The following GRIP1 variants were observed in gnomAD, a reference collection of about 807,000 sequenced individuals.
GRIP1 encodes glutamate receptor interacting protein 1, also known as glutamate receptor-interacting protein 1.
GRIP1 carries 45 observed loss-of-function variants against 129.9 expected under a neutral mutation model. The ratio of observed to expected loss-of-function variants is 0.35; its 90% CI spans 0.27 to 0.44. GRIP1 has a LOEUF of 0.44. Among genes scored for constraint, GRIP1 ranks in the 20% least tolerant of loss-of-function variants. The pLI is 1.00. For missense variants in GRIP1, 1,196 were observed against 1,396.8 expected, an observed-to-expected ratio of 0.86 and a Z score of 2.29; for synonymous variants, 530 against 520.8, an observed-to-expected ratio of 1.02 and a Z score of -0.24.
intron 16 of GRIP1, among the ~76,000 whole-genome samples, chr12:66,405,789 G>A (rs1000435785): frequency 2.6e-5 from 4 of 152,056 alleles, no homozygotes; most frequent in Non-Finnish European, 4.4e-5. Context: ...GTCTATAAGA[G>A]TACTATTTAC....
chr12:66,900,462 T>TG (rs1392451191), intron 1 of GRIP1, among the ~76,000 whole-genome samples: 1 of 152,152 alleles, frequency 6.6e-6, no homozygotes, highest in African/African-American at 2.4e-5. Flanking sequence ...CTCTTGATCT[T>TG]GGACTTCCTA....
chr12:66,401,605 TATATACACACACAC>T (rs1293833198), intron 16 of GRIP1, among the ~76,000 whole-genome samples: 3 of 124,452 alleles, frequency 2.4e-5, no homozygotes, highest in African/African-American at 1.0e-4. Context: ...TGTGTATATA[TATATACACACACAC>T]ACACACACAC....
intron 2 of GRIP1, among the ~76,000 whole-genome samples, chr12:66,554,565 G>C (rs1157889389): frequency 1.3e-5 from 2 of 152,180 alleles, no homozygotes; most frequent in Non-Finnish European, 2.9e-5. Context: ...TTTGGCCACA[G>C]GGGAGTAGAG....
chr12:66,384,660 G>A (rs2056273367), intron 19 of GRIP1, among the ~76,000 whole-genome samples: 1 of 152,202 alleles, frequency 6.6e-6, no homozygotes, highest in African/African-American at 2.4e-5. Flanking sequence ...TGTGGGAAAA[G>A]ATGCTCAAAG....
intron 14 of GRIP1, among the ~76,000 whole-genome samples, chr12:66,423,916 G>T (rs113154013): frequency 2.0e-5 from 3 of 152,246 alleles, no homozygotes; most frequent in African/African-American, 7.2e-5. Context: ...AATTTCAGCT[G>T]AACTGGTCGA....
intron 1 of GRIP1, among the ~76,000 whole-genome samples, chr12:66,867,208 C>T (rs910663699): frequency 4.6e-5 from 7 of 151,466 alleles, no homozygotes; most frequent in Admixed American, 3.9e-4. Flanking sequence ...AGGCTGGTCT[C>T]AAACTCCTGA....
chr12:66,871,442 A>G (rs563961537), intron 1 of GRIP1, among the ~76,000 whole-genome samples: 80 of 152,218 alleles, frequency 5.3e-4, no homozygotes, highest in African/African-American at 1.8e-3. Context: ...GCAACTTATT[A>G]GTTTTATGGG....
rs1210141819 is a variant in GRIP1, at chr12:66,460,618, C to T, written c.1042+2306G>A. On this transcript the variant is annotated intron_variant, in intron 9 of 24. Transcript: ENST00000359742. ...TGCTATTTATCAGTGAAAGGCATAG[C>T]TAATCTCTTATCCCAAGTTGAGATA... is the stretch of plus-strand genomic sequence containing the variant. Among the ~76,000 whole-genome samples the T allele has an allele frequency of 2.6e-5, 4 of 152,204 alleles. No homozygotes were observed. In the East Asian group the frequency reaches 7.7e-4, roughly 29 times the overall value.
At chr12:67,033,737 C>G (rs1011459817) in intron 1 of GRIP1, among the ~76,000 whole-genome samples, 1 of 152,172 alleles carries the variant, frequency 6.6e-6, no homozygotes, top group African/African-American at 2.4e-5. Flanking sequence ...AGAGTAACTT[C>G]ACCTCCTGAA....
intron 19 of GRIP1, among the ~76,000 whole-genome samples, chr12:66,385,574 T>G (rs959748574): frequency 2.0e-5 from 3 of 151,988 alleles, no homozygotes; most frequent in Admixed American, 6.6e-5. Context: ...AAATGTATGG[T>G]CCTAAGTCAT....
intron 1 of GRIP1, among the ~76,000 whole-genome samples, chr12:66,879,611 T>G (rs1504320): frequency 6.6e-6 from 1 of 151,776 alleles, no homozygotes; most frequent in Non-Finnish European, 1.5e-5. Flanking sequence ...TGGAGGAAGC[T>G]GAACAGCAAA....
chr12:66,501,643 A>G (rs1460051858), intron 7 of GRIP1, among the ~76,000 whole-genome samples: 1 of 152,214 alleles, frequency 6.6e-6, no homozygotes, highest in Non-Finnish European at 1.5e-5. Flanking sequence ...CATGACCTCA[A>G]AGAAACTCAT....
At chr12:67,066,657 C>G (rs549886320) in intron 1 of GRIP1, among the ~76,000 whole-genome samples, 1 of 152,088 alleles carries the variant, frequency 6.6e-6, no homozygotes, top group African/African-American at 2.4e-5. Context: ...ACCAACCTGA[C>G]AGTTTAATCT....
chr12:66,419,260 GGAGA>G (rs565360555), intron 15 of GRIP1, among the ~76,000 whole-genome samples: 2 of 151,802 alleles, frequency 1.3e-5, no homozygotes, highest in Non-Finnish European at 2.9e-5. Flanking sequence ...CTGAACTCAT[GGAGA>G]GAGAGAGAGT....
intron 1 of GRIP1, among the ~76,000 whole-genome samples, chr12:66,884,266 G>A (rs554618304): frequency 6.6e-6 from 1 of 152,270 alleles, no homozygotes; most frequent in African/African-American, 2.4e-5. Flanking sequence ...CGCACTTCCC[G>A]CTGCTGTGTT....
intron 3 of GRIP1, among the ~76,000 whole-genome samples, chr12:66,539,544 G>GTTTTTTTTTTTTTTTTT (rs1250833017): frequency 3.8e-4 from 26 of 67,686 alleles, no homozygotes; most frequent in African/African-American, 1.6e-3. Flanking sequence ...ATCAAGAGAA[G>GTTTTTTTTTTTTTTTTT]CTTTTTTTTT....
At chr12:66,535,491 C>T (rs962631681) in intron 4 of GRIP1, among the ~76,000 whole-genome samples, 6 of 152,054 alleles carry the variant, frequency 3.9e-5, no homozygotes, top group Non-Finnish European at 5.9e-5. Context: ...TTAATCATTA[C>T]AAAAATCCTG....
chr12:67,053,988 A>G (rs913346308), intron 1 of GRIP1, among the ~76,000 whole-genome samples: 3 of 152,258 alleles, frequency 2.0e-5, no homozygotes, highest in Non-Finnish European at 4.4e-5. Flanking sequence ...ATAGATTTCC[A>G]GTGGTGAAAG....
At chr12:66,415,053 C>A (rs1321306473) in intron 15 of GRIP1, among the ~76,000 whole-genome samples, 1 of 151,452 alleles carries the variant, frequency 6.6e-6, no homozygotes, top group Non-Finnish European at 1.5e-5. Context: ...CTAGACAATA[C>A]CATTCAGGAC....
Sources: allele counts gnomAD v4.1 joint callset (sites outside exome capture counted in the v4.1 genomes callset), GRCh38; gene constraint gnomAD v4.1.1; transcripts MANE v1.5; gene names NCBI Gene and HGNC (gene_info 2026-07-23, HGNC 2026-07-21).